The following KLHL42 variants were observed in gnomAD, a reference collection of about 807,000 sequenced individuals.
The protein encoded by KLHL42 is kelch-like protein 42.
Under a neutral mutation model 32.7 loss-of-function variants are expected in KLHL42, and 27 were observed. The ratio of observed to expected loss-of-function variants is 0.83; its 90% CI spans 0.61 to 1.14. The LOEUF (loss-of-function observed/expected upper bound fraction) is 1.14, where lower values mean the gene tolerates loss of function less well. Ranked by LOEUF, KLHL42 falls within the 50% of genes most tolerant of loss-of-function variation. The probability of loss-of-function intolerance (pLI) is 0.00; values close to 1 mark genes in which losing one functional copy is unlikely to be tolerated. For synonymous variants in KLHL42, 267 were observed against 248.2 expected, an observed-to-expected ratio of 1.08 and a Z score of -0.71; for missense variants, 491 against 560.8, an observed-to-expected ratio of 0.88 and a Z score of 1.26.
chr12:27,797,195 T>G (rs888298353), intron 2 of KLHL42: 2 of 455,154 alleles, frequency 4.4e-6, no homozygotes, highest in South Asian at 1.6e-5. Context: ...AGGCCGCAGG[T>G]GAGACTTTGC....
At chr12:27,785,159 G>A (rs186086110) in intron 1 of KLHL42, among the ~76,000 whole-genome samples, 29 of 152,248 alleles carry the variant, frequency 1.9e-4, no homozygotes, top group African/African-American at 6.5e-4. Context: ...TTACTTCTAC[G>A]GGGAAGGGAG....
Position 27,797,785 on chromosome 12 carries a change from C to T in KLHL42, c.1137C>T (p.Val379=), listed in dbSNP as rs1190418885. The T allele has an allele frequency of 1.3e-6, 1 of 756,114 alleles. No homozygotes were observed. Among genetic ancestry groups the T allele is most frequent in the Non-Finnish European group, 2.5e-6 (1 of 402,952 alleles). 46.8% of individuals were successfully genotyped at this position (756,114 alleles called of 1,614,324 possible). Residue 379 remains valine, a synonymous_variant, in exon 3 of 3, where the codon GTC becomes GTT. Transcript: ENST00000381271. ...GGACGCTCTTTGAAACATGTGACGT[C>T]CACATTCGCAAGCAGCAGATGGTGT... ...DMWTLFETCD[V]HIRKQQMVSV...
chr12:27,791,547 G>A (rs961748183), intron 1 of KLHL42, among the ~76,000 whole-genome samples, 161 bp from the exon 2 acceptor site: 3 of 152,152 alleles, frequency 2.0e-5, no homozygotes, highest in African/African-American at 7.2e-5. Context: ...AGTGAGATTC[G>A]AGAAGCCATC....
At chr12:27,781,394 A>G (rs2062147598) in intron 1 of KLHL42, among the ~76,000 whole-genome samples, 192 bp downstream of exon 1, 1 of 152,222 alleles carries the variant, frequency 6.6e-6, no homozygotes, top group African/African-American at 2.4e-5. Flanking sequence ...GGACGTCCCC[A>G]GTGAGGTCAA....
Position 27,802,491 on chromosome 12 carries a change from GAT to G in KLHL42, c.*4326_*4327del, listed in dbSNP as rs2062252345. 1 of 152,614 alleles carries G rather than the reference GAT, an allele frequency of 6.6e-6. No homozygotes were observed. The highest frequency in any genetic ancestry group is 2.4e-5 in the African/African-American group (1 of 41,450). 9.5% of individuals were successfully genotyped at this position (152,614 alleles called of 1,614,324 possible). A position where few individuals can be genotyped will look rare whatever the true frequency, so the allele number is the denominator to read the frequency against. On this transcript the variant is annotated 3_prime_UTR_variant, in exon 3 of 3. Coordinates refer to ENST00000381271, the MANE Select transcript of KLHL42 (RefSeq NM_020782.2). ...ATCCTTAGATTTTATTCACATGAGA[GAT>G]TTTTTTTATTTTCTCTGTTGACTTA... is the stretch of plus-strand genomic sequence containing the variant.
chr12:27,792,011 C>T, intron 2 of KLHL42, 110 bp downstream of exon 2: 1 of 843,032 alleles, frequency 1.2e-6, no homozygotes, highest in African/African-American at 1.7e-5. Context: ...TCATGTTATG[C>T]TTTAATAGTG....
intron 1 of KLHL42, among the ~76,000 whole-genome samples, chr12:27,782,894 T>C (rs1456470261): frequency 6.6e-6 from 1 of 152,200 alleles, no homozygotes; most frequent in East Asian, 1.9e-4. Flanking sequence ...AGTGTCAGTG[T>C]ATCAACAGAC....
intron 1 of KLHL42, among the ~76,000 whole-genome samples, 167 bp from the exon 2 acceptor site, chr12:27,791,541 A>T (rs2288233): frequency 1.3e-5 from 2 of 152,048 alleles, no homozygotes; most frequent in Admixed American, 6.5e-5. Context: ...GACAGGAGTG[A>T]GATTCGAGAA....
At chr12:27,794,360 G>GC (rs2062210136) in intron 2 of KLHL42, among the ~76,000 whole-genome samples, 1 of 152,150 alleles carries the variant, frequency 6.6e-6, no homozygotes, top group South Asian at 2.1e-4. Context: ...TGATGCCCCT[G>GC]CCTCTGTATG....
At position 27,799,875 on chromosome 12, in the gene KLHL42, G is replaced by A. The variant is rs984233574; in HGVS notation, c.*1709G>A. ...CTCTAGTCTACTTACAACTTTGTAA[G>A]GGTTTCTAAGCTATGCCCATTTATT... On this transcript the variant is annotated 3_prime_UTR_variant, in exon 3 of 3. Transcript: ENST00000381271. 1.8e-6 allele frequency: 1 copy of A among 544,990 alleles called. No homozygotes were observed. Among genetic ancestry groups the A allele is most frequent in the African/African-American group, 2.1e-5 (1 of 48,490 alleles). 33.8% of individuals were successfully genotyped at this position (544,990 alleles called of 1,614,324 possible). A position where few individuals can be genotyped will look rare whatever the true frequency, so the allele number is the denominator to read the frequency against.
intron 1 of KLHL42, among the ~76,000 whole-genome samples, chr12:27,789,921 A>G (rs777414869): frequency 3.9e-5 from 6 of 152,232 alleles, no homozygotes; most frequent in Non-Finnish European, 8.8e-5. Context: ...ACATTTAGAT[A>G]TAAACATGAT....
chr12:27,790,517 G>A (rs1057510571), intron 1 of KLHL42, among the ~76,000 whole-genome samples: 1 of 152,120 alleles, frequency 6.6e-6, no homozygotes, highest in Non-Finnish European at 1.5e-5. Flanking sequence ...TATCCTTCCT[G>A]CCTTTTGTGT....
chr12:27,784,574 C>G (rs10083013), intron 1 of KLHL42, among the ~76,000 whole-genome samples: 1 of 151,772 alleles, frequency 6.6e-6, no homozygotes, highest in Non-Finnish European at 1.5e-5. Context: ...TCATCGGGCC[C>G]GTGAATAGCC....
chr12:27,781,229 C>T, intron 1 of KLHL42, 27 bp downstream of exon 1: 1 of 1,609,128 alleles, frequency 6.2e-7, no homozygotes, highest in African/African-American at 1.3e-5. Context: ...AGTGCTGCTG[C>T]CTTCTCATTC....
intron 1 of KLHL42, among the ~76,000 whole-genome samples, chr12:27,781,775 C>G (rs542362956): frequency 4.6e-5 from 7 of 152,178 alleles, no homozygotes; most frequent in African/African-American, 1.7e-4. Flanking sequence ...GGACAGCCAT[C>G]GTCATGACCC....
At chr12:27,782,360 T>C (rs1231886170) in intron 1 of KLHL42, among the ~76,000 whole-genome samples, 2 of 151,998 alleles carry the variant, frequency 1.3e-5, no homozygotes, top group Non-Finnish European at 2.9e-5. Flanking sequence ...TACAGAAAAC[T>C]GGAAAATGGA....
At chr12:27,795,588 A>G (rs1333296484) in intron 2 of KLHL42, among the ~76,000 whole-genome samples, 1 of 151,930 alleles carries the variant, frequency 6.6e-6, no homozygotes, top group Non-Finnish European at 1.5e-5. Context: ...AGTTCCTAAT[A>G]GTTCCTTGTA....
At chr12:27,787,586 A>C (rs2062178452) in intron 1 of KLHL42, 1 of 151,742 alleles carries the variant, frequency 6.6e-6, no homozygotes, top group African/African-American at 2.4e-5. Context: ...CTGTTGCAGC[A>C]GTTGGTTCAT....
chr12:27,793,714 C>G (rs759409353), intron 2 of KLHL42, among the ~76,000 whole-genome samples: 1 of 152,198 alleles, frequency 6.6e-6, no homozygotes, highest in Non-Finnish European at 1.5e-5. Flanking sequence ...GTCTGTGTGA[C>G]TCTATGGAGC....
Sources: gnomAD v4.1 joint callset for allele counts (sites outside exome capture counted in the v4.1 genomes callset) on GRCh38, gnomAD v4.1.1 for gene constraint, MANE v1.5 for transcripts, NCBI Gene and HGNC (gene_info 2026-07-23, HGNC 2026-07-21) for gene names.